The following CPZ variants were observed in gnomAD, a reference collection of about 807,000 sequenced individuals.
CPZ encodes the protein carboxypeptidase Z, also known as VEZT/CPZ fusion.
In CPZ, 103 loss-of-function variants were observed where a neutral mutation model predicts 61.8. The observed-to-expected ratio is 1.67, with a 90% confidence interval of 1.42 to 1.96. The LOEUF (loss-of-function observed/expected upper bound fraction) is 1.96. Among genes scored for constraint, CPZ ranks in the 30% most tolerant of loss-of-function variants. CPZ has a pLI of 0.00. For missense variants in CPZ, 1,461 were observed against 914.9 expected, an observed-to-expected ratio of 1.60 and a Z score of -7.70; for synonymous variants, 551 against 373.7, an observed-to-expected ratio of 1.47 and a Z score of -5.47.
intron 1 of CPZ, among the ~76,000 whole-genome samples, chr4:8,595,824 C>T (rs959591408): frequency 6.6e-6 from 1 of 152,218 alleles, no homozygotes; most frequent in Admixed American, 6.5e-5. Flanking sequence ...AAGCCAATAA[C>T]TGGTATCCCT....
intron 8 of CPZ, among the ~76,000 whole-genome samples, 168 bp from the exon 9 acceptor site, chr4:8,614,191 G>A (rs1353357858): frequency 2.0e-5 from 3 of 152,186 alleles, no homozygotes; most frequent in Admixed American, 6.5e-5. Context: ...AGTACCTGCT[G>A]CACTCACCTG....
At chr4:8,608,687 G>A (rs563524664) in intron 7 of CPZ, among the ~76,000 whole-genome samples, 2 of 136,698 alleles carry the variant, frequency 1.5e-5, no homozygotes, top group Non-Finnish European at 3.2e-5. Context: ...TGTTGGGGTG[G>A]GGAACCCCCA....
chr4:8,601,708 G>C (rs937595857), intron 3 of CPZ, among the ~76,000 whole-genome samples: 1 of 152,152 alleles, frequency 6.6e-6, no homozygotes, highest in Non-Finnish European at 1.5e-5. Flanking sequence ...GGATCCTCTC[G>C]CTGCCCAGGG....
intron 5 of CPZ, among the ~76,000 whole-genome samples, chr4:8,606,502 C>T (rs1445429145): frequency 3.9e-5 from 6 of 152,022 alleles, no homozygotes; most frequent in East Asian, 3.9e-4. Flanking sequence ...AGGTGACTGT[C>T]GAGGGCGCCC....
chr4:8,607,773 G>A (rs531073563), intron 7 of CPZ, among the ~76,000 whole-genome samples: 1 of 152,188 alleles, frequency 6.6e-6, no homozygotes, highest in African/African-American at 2.4e-5. Context: ...CCACCGCAGA[G>A]GGGTGCGTTT....
chr4:8,601,823 G>A (rs547243407), intron 3 of CPZ: 21 of 242,164 alleles, frequency 8.7e-5, no homozygotes, highest in African/African-American at 3.6e-4. Context: ...AGCAGGCCTC[G>A]TGTGGGGGAG....
intron 9 of CPZ, among the ~76,000 whole-genome samples, chr4:8,617,759 C>T (rs554971614): frequency 3.9e-5 from 6 of 152,280 alleles, no homozygotes; most frequent in South Asian, 2.1e-4. Flanking sequence ...TTGGACCCCA[C>T]GTTGTTTTCT....
intron 7 of CPZ, among the ~76,000 whole-genome samples, chr4:8,611,689 T>C (rs1055483323): frequency 2.0e-5 from 3 of 152,120 alleles, no homozygotes; most frequent in African/African-American, 7.2e-5. Context: ...CAAGCCAACC[T>C]GCACACACCC....
chr4:8,599,686 A>G (rs1714431956), intron 2 of CPZ: 1 of 1,394,576 alleles, frequency 7.2e-7, no homozygotes, highest in Non-Finnish European at 9.4e-7. Flanking sequence ...GAAAAGGTGC[A>G]CCAGCTTCCC....
intron 9 of CPZ, among the ~76,000 whole-genome samples, chr4:8,615,705 A>G (rs1359639970): frequency 1.3e-5 from 2 of 152,112 alleles, no homozygotes; most frequent in African/African-American, 4.8e-5. Flanking sequence ...CCAGAGGAGG[A>G]GACAGAGGGT....
At chr4:8,604,697 AG>A in intron 4 of CPZ, among the ~76,000 whole-genome samples, 1 of 152,276 alleles carries the variant, frequency 6.6e-6, no homozygotes, top group East Asian at 1.9e-4. Flanking sequence ...TGGCCAGGCT[AG>A]TCTCGAACTC....
Position 8,619,487 on chromosome 4 carries a change from TG to T in CPZ, c.1834del (p.Glu612ArgfsTer30). On this transcript the variant is annotated frameshift_variant, in exon 11 of 11. Coordinates refer to ENST00000360986, the MANE Select transcript of CPZ (RefSeq NM_001014447.3). LOFTEE classifies it low-confidence loss of function (END_TRUNC). The stretch of plus-strand genomic sequence containing the variant: ...GACCCACTGGGAGGTGCCAGCTCTT[TG>T]GGGGAGGCCACGGAGCCCGACCCGC... ...PHDPLGGASSLGEATEPDPLR... is the reference protein window; with the variant it reads ...PHDPLGGASSXGEATEPDPLR... The T allele has an allele frequency of 1.2e-6, 2 of 1,608,302 alleles. No homozygotes were observed. Among genetic ancestry groups the T allele is most frequent in the Non-Finnish European group, 1.7e-6 (2 of 1,176,276 alleles).
chr4:8,608,641 C>CACGTGTGTGTGTGTATGCCT (rs1553877468), intron 7 of CPZ, among the ~76,000 whole-genome samples: 1 of 151,418 alleles, frequency 6.6e-6, no homozygotes, highest in Admixed American at 6.6e-5. Flanking sequence ...TGTGAGTGCA[C>CACGTGTGTGTGTGTATGCCT]GTGTGTGCGT....
At position 8,614,459 on chromosome 4, in the gene CPZ, G is replaced by A; in HGVS notation, c.1464G>A (p.Trp488Ter). The A allele has an allele frequency of 6.2e-7, 1 of 1,613,982 alleles. No homozygotes were observed. The highest frequency in any genetic ancestry group is 8.5e-7 in the Non-Finnish European group (1 of 1,179,952). ...FPPEEALYILWQHNKESLLNF... is the reference protein window; with the variant it reads ...FPPEEALYIL ...CCGAGGAGGCCCTGTACATACTCTG[G>A]CAGCACAACAAGGAGTCACTCCTGA... The change falls in exon 9 of 11, where the codon TGG becomes TGA. Residue 488 changes from tryptophan to a stop codon, truncating the protein, a stop_gained. Transcript: ENST00000360986. LOFTEE classifies it high-confidence loss of function.
intron 7 of CPZ, among the ~76,000 whole-genome samples, chr4:8,609,881 G>A (rs1228640873): frequency 6.6e-6 from 1 of 152,228 alleles, no homozygotes; most frequent in Non-Finnish European, 1.5e-5. Context: ...GAGCATGAGA[G>A]GGGCTGGCTG....
chr4:8,608,799 C>G (rs1316911659), intron 7 of CPZ, among the ~76,000 whole-genome samples: 1 of 149,572 alleles, frequency 6.7e-6, no homozygotes, highest in Non-Finnish European at 1.5e-5. Context: ...GGGAGGGGCA[C>G]TGGAGGCACA....
rs946691927 is a variant in CPZ at position 8,619,499 on chromosome 4, C to T, written c.1841C>T (p.Thr614Met). Residue 614 changes from threonine to methionine, a missense_variant, in exon 11 of 11, where the codon ACG becomes ATG. Transcript: ENST00000360986. The part of the protein sequence containing the change: ...LGGASSLGEA[T>M]EPDPLRARRQ... The stretch of plus-strand genomic sequence containing the variant: ...GGTGCCAGCTCTTTGGGGGAGGCCA[C>T]GGAGCCCGACCCGCTCCGGGCGCGC... 20 of 1,605,912 alleles carry T rather than the reference C, an allele frequency of 1.2e-5. No individual in the cohort carries two copies. Among genetic ancestry groups the T allele is most frequent in the South Asian group, 3.3e-5 (3 of 90,164 alleles).
intron 9 of CPZ, among the ~76,000 whole-genome samples, chr4:8,615,905 G>A (rs1358130589): frequency 6.6e-6 from 1 of 152,226 alleles, no homozygotes; most frequent in Non-Finnish European, 1.5e-5. Context: ...GGAACATTCT[G>A]CCATTTGAGT....
chr4:8,618,117 A>G (rs4495023), intron 9 of CPZ: 337,686 of 353,556 alleles, frequency 0.96, 163,021 homozygotes, highest in East Asian at 1. Flanking sequence ...CCGATCAGGC[A>G]GAAGAGTGGC....
Sources: gnomAD v4.1 joint callset for allele counts (sites outside exome capture counted in the v4.1 genomes callset) on GRCh38, gnomAD v4.1.1 for gene constraint, MANE v1.5 for transcripts, NCBI Gene and HGNC (gene_info 2026-07-23, HGNC 2026-07-21) for gene names.